The following SLC17A9 variants were observed in gnomAD, a reference collection of about 807,000 sequenced individuals.
SLC17A9 encodes the protein solute carrier family 17 member 9.
SLC17A9 carries 49 observed loss-of-function variants against 55.0 expected under a neutral mutation model. The ratio of observed to expected loss-of-function variants is 0.89; its 90% CI spans 0.71 to 1.13. The LOEUF (loss-of-function observed/expected upper bound fraction) is 1.13, where lower values mean the gene tolerates loss of function less well. SLC17A9 is among the 50% of genes most tolerant of loss of function. The pLI is 0.00. For synonymous variants in SLC17A9, 256 were observed against 247.4 expected, an observed-to-expected ratio of 1.03 and a Z score of -0.32; for missense variants, 526 against 569.3, an observed-to-expected ratio of 0.92 and a Z score of 0.77.
chr20:62,961,774 G>A (rs1173946882), intron 4 of SLC17A9, among the ~76,000 whole-genome samples: 1 of 152,220 alleles, frequency 6.6e-6, no homozygotes, highest in African/African-American at 2.4e-5. Flanking sequence ...TCCGAAACCC[G>A]GTTTCATTGA....
rs1568911929 is a variant in SLC17A9, at chr20:62,957,457, G to A, written c.274G>A (p.Val92Ile). 3 of 1,597,818 alleles carry A rather than the reference G, an allele frequency of 1.9e-6. No individual in the cohort carries two copies. Among genetic ancestry groups the A allele is most frequent in the Non-Finnish European group, 2.6e-6 (3 of 1,172,696 alleles). ...TCCCTCCAGGATTGGGGGTGAGAAG[G>A]TCATCCTGCTGTCAGCCTCTGCCTG... ...HLGDRIGGEK[V>I]ILLSASAWGS... The change falls in exon 3 of 13, where the codon GTC (valine) becomes ATC (isoleucine). Residue 92 changes from valine to isoleucine, a missense_variant. Coordinates refer to ENST00000370351, the MANE Select transcript of SLC17A9 (RefSeq NM_022082.4).
chr20:62,957,850 T>C (rs1430270721), intron 3 of SLC17A9, among the ~76,000 whole-genome samples: 1 of 113,682 alleles, frequency 8.8e-6, no homozygotes, highest in Non-Finnish European at 1.9e-5. Context: ...CGTGCACCTG[T>C]GCGTGTGCGT....
Position 62,956,916 on chromosome 20 carries a change from T to G in SLC17A9, c.211T>G (p.Trp71Gly). The G allele has an allele frequency of 1.2e-6, 2 of 1,613,618 alleles. No homozygotes were observed. The highest frequency in any genetic ancestry group is 8.5e-7 in the Non-Finnish European group (1 of 1,180,014). Reference protein sequence around the residue: ...EAGIVLSSFFWGYCLTQVVGG... With the variant: ...EAGIVLSSFFGGYCLTQVVGG... ...CGGCATCGTGCTCAGCAGCTTCTTC[T>G]GGGGCTACTGCCTGACACAGGTTGT... Residue 71 changes from tryptophan (W) to glycine (G), a missense_variant, in exon 2 of 13, where the codon TGG becomes GGG. Physicochemically the swap from Trp to Gly is radical, Grantham distance 184. Transcript: ENST00000370351.
chr20:62,962,757 A>G lies in SLC17A9; in HGVS notation c.628+3A>G. 6.2e-7 allele frequency: 1 copy of G among 1,613,604 alleles called. No individual in the cohort carries two copies. Among genetic ancestry groups the G allele is most frequent in the Non-Finnish European group, 8.5e-7 (1 of 1,179,704 alleles). ...CAGGTACCTGCTGAGTGAAAAAGGT[A>G]ACGCAGGCCGGGCGGGCTAGTCCCG... On this transcript the variant is annotated splice_donor_region_variant and intron_variant, in intron 5 of 12. Transcript: ENST00000370351. This position sits in a 1 kb window ranked among gnomAD's most constrained non-coding sequence, Gnocchi z 5.5.
Position 62,965,258 on chromosome 20 carries a change from T to C in SLC17A9, c.945+92T>C, listed in dbSNP as rs1392279247. The stretch of plus-strand genomic sequence containing the variant: ...AGGGTTGTGTCCCCAAGTCACCTGA[T>C]ATCTGGGACCAGGCAAATGCCAGGC... On this transcript the variant is annotated intron_variant, in intron 9 of 12. Coordinates refer to ENST00000370351, the MANE Select transcript of SLC17A9 (RefSeq NM_022082.4). 4.5e-6 allele frequency: 7 copies of C among 1,543,196 alleles called. No individual in the cohort carries two copies. The African/African-American group carries it at 9.5e-5, about 21-fold the overall frequency.
At chr20:62,963,839 C>A (rs2065611293) in intron 7 of SLC17A9, 159 bp downstream of exon 7, 2 of 681,388 alleles carry the variant, frequency 2.9e-6, no homozygotes, top group South Asian at 3.8e-5. Flanking sequence ...CTGGAGAGGA[C>A]CCCGTCCATG....
chr20:62,957,820 T>TA (rs1568912423), intron 3 of SLC17A9, among the ~76,000 whole-genome samples: 1 of 130,126 alleles, frequency 7.7e-6, no homozygotes, highest in East Asian at 2.5e-4. Context: ...TGTGTGTGTA[T>TA]GGGCATGCCC....
rs1438266681 is a variant in SLC17A9 at position 62,956,755 on chromosome 20, T to C, written c.60-10T>C. On this transcript the variant is annotated splice_polypyrimidine_tract_variant and intron_variant, in intron 1 of 12. Transcript: ENST00000370351. ...GCCTCCCCAGGGCCTGACCATCTCC[T>C]GTCCCACAGGCCCGAGTGCCAGGCA... 11 of 1,609,174 alleles carry C rather than the reference T, an allele frequency of 6.8e-6. 1 individual carries two copies. The Admixed American group carries it at 1.8e-4, about 27-fold the overall frequency.
chr20:62,956,741 G>T, intron 1 of SLC17A9, 24 bp from the exon 2 acceptor site: 1 of 1,603,438 alleles, frequency 6.2e-7, no homozygotes, highest in Non-Finnish European at 8.5e-7. Context: ...CCTCCCCAGG[G>T]CCTGACCATC....
Position 62,965,067 on chromosome 20 carries a change from G to T in SLC17A9, c.911-65G>T. The T allele has an allele frequency of 4.4e-6, 7 of 1,594,628 alleles. No homozygotes were observed. The South Asian group carries it at 5.5e-5, about 13-fold the overall frequency. Reference sequence around the variant, plus strand: ...GCCCCTCTGCAGCCATTCGGGATGGGACCCCCTCTGGGGTGTCAGCACGAA... The same window carrying T: ...GCCCCTCTGCAGCCATTCGGGATGGTACCCCCTCTGGGGTGTCAGCACGAA... On this transcript the variant is annotated intron_variant, in intron 8 of 12. Transcript: ENST00000370351.
chr20:62,953,498 C>G (rs999005802), intron 1 of SLC17A9, among the ~76,000 whole-genome samples: 6 of 152,212 alleles, frequency 3.9e-5, no homozygotes, highest in Non-Finnish European at 7.4e-5. Flanking sequence ...ATGGTGACCG[C>G]GGGCCATTGG....
chr20:62,953,728 A>C (rs1360471317), intron 1 of SLC17A9, among the ~76,000 whole-genome samples: 2 of 152,216 alleles, frequency 1.3e-5, no homozygotes, highest in Admixed American at 1.3e-4. Flanking sequence ...ACCAGTTCCC[A>C]GCTGTATGAG....
intron 9 of SLC17A9, 82 bp from the exon 10 acceptor site, chr20:62,965,528 G>A (rs1042975225): frequency 2.3e-6 from 3 of 1,322,500 alleles, no homozygotes; most frequent in Admixed American, 1.8e-5. Context: ...CGCCCAGGGG[G>A]GCTTTCGGGC....
At position 62,965,643 on chromosome 20, in the gene SLC17A9, C is replaced by G; in HGVS notation, c.979C>G (p.Leu327Val). ...MGLGLSSVFA[L>V]CLGHTSSFCE... Reference sequence around the variant, plus strand: ...CCTTGGCCTCTCCAGCGTCTTTGCTCTGTGCCTGGGCCACACCTCCAGCTT... The same window carrying G: ...CCTTGGCCTCTCCAGCGTCTTTGCTGTGTGCCTGGGCCACACCTCCAGCTT... The change falls in exon 10 of 13, where the codon CTG becomes GTG. Residue 327 changes from leucine to valine, a missense_variant. By Grantham distance (32) the Leu-to-Val change is conservative. Coordinates refer to ENST00000370351, the MANE Select transcript of SLC17A9 (RefSeq NM_022082.4). 6.2e-7 allele frequency: 1 copy of G among 1,613,884 alleles called. No homozygotes were observed. The highest frequency in any genetic ancestry group is 1.1e-5 in the South Asian group (1 of 91,084).
At position 62,957,470 on chromosome 20, in the gene SLC17A9, C is replaced by T; in HGVS notation, c.287C>T (p.Ser96Leu). 1 of 1,606,724 alleles carries T rather than the reference C, an allele frequency of 6.2e-7. No homozygotes were observed. The highest frequency in any genetic ancestry group is 1.1e-5 in the South Asian group (1 of 90,030). Residue 96 changes from serine to leucine, a missense_variant, in exon 3 of 13, where the codon TCA becomes TTA. Coordinates refer to ENST00000370351, the MANE Select transcript of SLC17A9 (RefSeq NM_022082.4). Reference protein sequence around the residue: ...RIGGEKVILLSASAWGSITAV... With the variant: ...RIGGEKVILLLASAWGSITAV... ...GGGGGTGAGAAGGTCATCCTGCTGTCAGCCTCTGCCTGGGGCTCCATCACG... is the reference window on the plus strand; with the variant it reads ...GGGGGTGAGAAGGTCATCCTGCTGTTAGCCTCTGCCTGGGGCTCCATCACG...
In SLC17A9 at chr20:62,953,001, C is replaced by T. The variant is rs539655022; in HGVS notation, c.59+112C>T. On this transcript the variant is annotated intron_variant, in intron 1 of 12. Transcript: ENST00000370351. Reference sequence around the variant, plus strand: ...GCTAGGTGGGGAGGGCTGAGCTGGGCGGGCTCCTCTGGCTGTGGGGCCCCC... The same window carrying T: ...GCTAGGTGGGGAGGGCTGAGCTGGGTGGGCTCCTCTGGCTGTGGGGCCCCC... 5.5e-4 allele frequency: 717 copies of T among 1,303,950 alleles called. 1 individual carries two copies. The highest frequency in any genetic ancestry group is 4.9e-3 in the African/African-American group (334 of 68,064). 80.8% of individuals were successfully genotyped at this position (1,303,950 alleles called of 1,614,324 possible).
Position 62,956,790 on chromosome 20 carries a change from A to T in SLC17A9, c.85A>T (p.Thr29Ser). 1 of 1,612,246 alleles carries T rather than the reference A, an allele frequency of 6.2e-7. No homozygotes were observed. The highest frequency in any genetic ancestry group is 8.5e-7 in the Non-Finnish European group (1 of 1,179,818). ...GCCCGAGTGCCAGGCATGGACGGGG[A>T]CGCTGCTGCTGGGCACATGCCTTCT... ...SRPECQAWTG[T>S]LLLGTCLLYC... Residue 29 changes from threonine (T) to serine (S), a missense_variant, in exon 2 of 13, where the codon ACG (threonine) becomes TCG (serine). Transcript: ENST00000370351.
At chr20:62,965,463 G>A (rs983147592) in intron 9 of SLC17A9, 147 bp from the exon 10 acceptor site, 1 of 782,402 alleles carries the variant, frequency 1.3e-6, no homozygotes. Context: ...CCTCCTCTAG[G>A]GGGCCTGGTC....
rs1470337543 is a variant in SLC17A9, at chr20:62,956,831, C to T, written c.126C>T (p.Ser42=). Residue 42 remains serine, a synonymous_variant, in exon 2 of 13, where the codon TCC becomes TCT. Coordinates refer to ENST00000370351, the MANE Select transcript of SLC17A9 (RefSeq NM_022082.4). ...CATGCCTTCTGTACTGCGCCCGCTC[C>T]AGCATGCCCATCTGCACCGTCTCCA... ...LGTCLLYCAR[S]SMPICTVSMS... 1.2e-6 allele frequency: 2 copies of T among 1,613,268 alleles called. No homozygotes were observed. The highest frequency in any genetic ancestry group is 1.7e-6 in the Non-Finnish European group (2 of 1,179,968).
Sources: allele counts gnomAD v4.1 joint callset (sites outside exome capture counted in the v4.1 genomes callset), GRCh38; gene constraint gnomAD v4.1.1; non-coding constraint Gnocchi (gnomAD v3.1); transcripts MANE v1.5; gene names NCBI Gene and HGNC (gene_info 2026-07-23, HGNC 2026-07-21).